Variants in MTCL1 observed in about 807,000 individuals in gnomAD.
The protein encoded by MTCL1 is microtubule cross-linking factor 1.
A neutral mutation model predicts 141.4 loss-of-function variants in MTCL1; 79 were observed. That is an observed-to-expected ratio of 0.56 (90% CI 0.47 to 0.67). MTCL1 has a LOEUF of 0.67. Among genes scored for constraint, MTCL1 ranks in the 30% least tolerant of loss-of-function variants. The probability of loss-of-function intolerance (pLI) is 0.00; values close to 1 mark genes in which losing one functional copy is unlikely to be tolerated. For synonymous variants in MTCL1, 914 were observed against 875.8 expected (o/e 1.04, Z -0.77); for missense variants, 2,177 against 2,113.9 (o/e 1.03, Z -0.59).
intron 7 of MTCL1, chr18:8,786,623 T>C (rs1232635009): frequency 3.1e-6 from 1 of 324,708 alleles, no homozygotes; most frequent in Non-Finnish European, 6.1e-6. Context: ...TAACCCGGTA[T>C]ACACAAGGCT....
chr18:8,757,606 G>C (rs1167631232), intron 4 of MTCL1, among the ~76,000 whole-genome samples: 2 of 152,232 alleles, frequency 1.3e-5, no homozygotes. Context: ...CAGGGATCTA[G>C]AACAGGAAGG....
chr18:8,714,158 G>T (rs2096111907), upstream of MTCL1, among the ~76,000 whole-genome samples: 1 of 152,142 alleles, frequency 6.6e-6, no homozygotes, highest in South Asian at 2.1e-4. Flanking sequence ...AATAATTTAT[G>T]GTATTTACTC....
At chr18:8,764,049 T>C (rs1244323342) in intron 4 of MTCL1, among the ~76,000 whole-genome samples, 1 of 152,182 alleles carries the variant, frequency 6.6e-6, no homozygotes, top group East Asian at 1.9e-4. Context: ...AAGTTCATAC[T>C]TCAAACACAC....
rs1345217888 is a variant in MTCL1 at position 8,726,481 on chromosome 18, G to A, written c.357+5985G>A. On this transcript the variant is annotated intron_variant, in intron 4 of 16. Transcript: ENST00000359865. Reference sequence around the variant, plus strand: ...GAGGGTGAGAATAAGAGGAGAGAGAGAGAGAGAGAGAGAGCGCGCGCGCGC... The same window carrying A: ...GAGGGTGAGAATAAGAGGAGAGAGAAAGAGAGAGAGAGAGCGCGCGCGCGC... Among the ~76,000 whole-genome samples, 12 of 114,478 alleles carry A rather than the reference G, an allele frequency of 1.0e-4. No homozygotes were observed. The East Asian group carries it at 2.7e-3, about 25-fold the overall frequency. 75.1% of individuals were successfully genotyped at this position (114,478 alleles called of 152,430 possible). A position where few individuals can be genotyped will look rare whatever the true frequency, so the allele number is the denominator to read the frequency against.
At chr18:8,757,527 G>A (rs2096408101) in intron 4 of MTCL1, among the ~76,000 whole-genome samples, 1 of 152,224 alleles carries the variant, frequency 6.6e-6, no homozygotes, top group Non-Finnish European at 1.5e-5. Flanking sequence ...AGGCTGGGGA[G>A]CCGGGAGACC....
chr18:8,728,046 G>C (rs565159019), intron 4 of MTCL1, among the ~76,000 whole-genome samples: 1 of 152,240 alleles, frequency 6.6e-6, no homozygotes, highest in South Asian at 2.1e-4. Context: ...ATCATTAGCT[G>C]TATTCTCCTC....
intron 4 of MTCL1, among the ~76,000 whole-genome samples, chr18:8,776,726 T>TTAG (rs1568011795): frequency 4.5e-3 from 16 of 3,592 alleles, no homozygotes; most frequent in African/African-American, 0.01. Context: ...ACACTAGTTA[T>TTAG]TTATTTATTT....
intron 3 of MTCL1, among the ~76,000 whole-genome samples, chr18:8,719,299 T>C (rs2096151936): frequency 6.6e-6 from 1 of 152,208 alleles, no homozygotes; most frequent in Non-Finnish European, 1.5e-5. Context: ...ATTGCCGGAG[T>C]ACTTGTGAAA....
intron 4 of MTCL1, among the ~76,000 whole-genome samples, chr18:8,738,130 C>G (rs1167709786): frequency 6.6e-6 from 1 of 152,164 alleles, no homozygotes; most frequent in Non-Finnish European, 1.5e-5. Flanking sequence ...TGTTGGGTAG[C>G]TACGCAGTGG....
upstream of MTCL1, among the ~76,000 whole-genome samples, chr18:8,713,829 G>A (rs1459927762): frequency 6.6e-6 from 1 of 152,172 alleles, no homozygotes; most frequent in African/African-American, 2.4e-5. Context: ...TGTAATCCCA[G>A]CTACTCAGGA....
At chr18:8,806,306 T>C (rs1472817318) in intron 10 of MTCL1, among the ~76,000 whole-genome samples, 1 of 152,198 alleles carries the variant, frequency 6.6e-6, no homozygotes, top group Non-Finnish European at 1.5e-5. Context: ...GACCTTTTAG[T>C]AACCACCAAT....
Position 8,828,887 on chromosome 18 carries a change from TTC to T in MTCL1, c.4723-17_4723-16del. The T allele has an allele frequency of 6.2e-7, 1 of 1,614,214 alleles. No homozygotes were observed. ...TCCAACCTTCTTGCTTTTCTTTTCT[TTC>T]TCTGTCTGTTCTGTCCAGAACCAAA... On this transcript the variant is annotated intron_variant, in intron 15 of 16. Coordinates refer to ENST00000359865, the Ensembl canonical transcript of MTCL1. The surrounding 1 kb of genome is among the most constrained non-coding windows in gnomAD (Gnocchi z 5.2).
chr18:8,789,469 C>T, intron 7 of MTCL1: 1 of 985,402 alleles, frequency 1.0e-6, no homozygotes, highest in Non-Finnish European at 1.2e-6. Context: ...AAGTTATCTT[C>T]TTAAGTGTGG....
chr18:8,725,776 C>CTTTTTTTTTTT lies in MTCL1; in HGVS notation c.357+5283_357+5293dup, dbSNP rs1220187127. Among the ~76,000 whole-genome samples, 487 of 110,942 alleles carry CTTTTTTTTTTT rather than the reference C, an allele frequency of 4.4e-3. 27 individuals carry two copies. Among genetic ancestry groups the CTTTTTTTTTTT allele is most frequent in the East Asian group, 7.7e-3 (28 of 3,616 alleles). 72.8% of individuals were successfully genotyped at this position (110,942 alleles called of 152,430 possible). A position where few individuals can be genotyped will look rare whatever the true frequency, so the allele number is the denominator to read the frequency against. On this transcript the variant is annotated intron_variant, in intron 4 of 16. Coordinates refer to ENST00000359865, the Ensembl canonical transcript of MTCL1. The stretch of plus-strand genomic sequence containing the variant: ...GCGTTATGTATTTTGGTGCCATTTT[C>CTTTTTTTTTTT]TTTTTTTTTTTTTCTTTTTTTTTTT...
intron 14 of MTCL1, among the ~76,000 whole-genome samples, 185 bp downstream of exon 13, chr18:8,821,683 A>G (rs1158818885): frequency 6.6e-6 from 1 of 152,200 alleles, no homozygotes; most frequent in African/African-American, 2.4e-5. Flanking sequence ...ATTAACAAAG[A>G]AGTTAGACGT....
chr18:8,776,415 T>A (rs2143256759), intron 4 of MTCL1, among the ~76,000 whole-genome samples: 1 of 152,332 alleles, frequency 6.6e-6, no homozygotes, highest in East Asian at 1.9e-4. Flanking sequence ...ATCTCCCAGT[T>A]GGTCTGTTGC....
intron 4 of MTCL1, among the ~76,000 whole-genome samples, chr18:8,751,693 TG>T (rs1246087303): frequency 6.6e-6 from 1 of 152,106 alleles, no homozygotes; most frequent in Non-Finnish European, 1.5e-5. Flanking sequence ...GAGGCAGATG[TG>T]GGGGGTACAG....
At chr18:8,747,872 T>G (rs1279965647) in intron 4 of MTCL1, among the ~76,000 whole-genome samples, 1 of 152,194 alleles carries the variant, frequency 6.6e-6, no homozygotes, top group Non-Finnish European at 1.5e-5. Context: ...TGGCTCCAGA[T>G]GGATAGCCTC....
intron 7 of MTCL1, among the ~76,000 whole-genome samples, chr18:8,792,166 C>G (rs2075752262): frequency 6.6e-6 from 1 of 152,210 alleles, no homozygotes; most frequent in African/African-American, 2.4e-5. Flanking sequence ...TATAAATCAC[C>G]TGTCTTCAAG....
Sources: gnomAD v4.1 joint callset for allele counts (sites outside exome capture counted in the v4.1 genomes callset) on GRCh38, gnomAD v4.1.1 for gene constraint, Gnocchi (gnomAD v3.1) non-coding constraint, MANE v1.5 for transcripts, NCBI Gene and HGNC (gene_info 2026-07-23, HGNC 2026-07-21) for gene names.